WWTR1: variants seen among roughly 807,000 people sequenced by gnomAD.
The protein encoded by WWTR1 is WW domain containing transcription regulator 1, also known as WW domain-containing transcription regulator protein 1.
In WWTR1, 13 loss-of-function variants were observed where a neutral mutation model predicts 40.1. The ratio of observed to expected loss-of-function variants is 0.32; its 90% CI spans 0.21 to 0.52. The LOEUF (loss-of-function observed/expected upper bound fraction) is 0.52, where lower values mean the gene tolerates loss of function less well. Among genes scored for constraint, WWTR1 ranks in the 20% least tolerant of loss-of-function variants. The probability of loss-of-function intolerance (pLI) is 0.97; values close to 1 mark genes in which losing one functional copy is unlikely to be tolerated. For missense variants in WWTR1, 436 were observed against 523.1 expected (o/e 0.83, Z 1.63); for synonymous variants, 230 against 210.1 (o/e 1.09, Z -0.82).
intron 3 of WWTR1, among the ~76,000 whole-genome samples, chr3:149,562,600 G>GACACACACAC (rs60366789): frequency 3.7e-5 from 5 of 135,882 alleles, no homozygotes; most frequent in African/African-American, 8.4e-5. Flanking sequence ...TTAAAATACA[G>GACACACACAC]ACACACACAC....
intron 1 of WWTR1, among the ~76,000 whole-genome samples, chr3:149,676,280 T>C (rs1270782891): frequency 6.6e-6 from 1 of 152,178 alleles, no homozygotes; most frequent in African/African-American, 2.4e-5. Flanking sequence ...AAAAAAATCT[T>C]CAGTATTGAT....
chr3:149,545,550 G>A (rs1213977739), intron 3 of WWTR1, among the ~76,000 whole-genome samples: 1 of 152,128 alleles, frequency 6.6e-6, no homozygotes, highest in African/African-American at 2.4e-5. Flanking sequence ...GAGACAGAGT[G>A]TCACTCTATC....
chr3:149,529,161 G>A (rs1735460192), intron 4 of WWTR1, among the ~76,000 whole-genome samples: 1 of 152,138 alleles, frequency 6.6e-6, no homozygotes, highest in African/African-American at 2.4e-5. Flanking sequence ...ATGCCTATCA[G>A]TTTCCCACTT....
chr3:149,533,365 C>T (rs7632209), intron 4 of WWTR1, among the ~76,000 whole-genome samples: 143,857 of 152,276 alleles, frequency 0.94, 67,995 homozygotes, highest in East Asian at 1. Flanking sequence ...CAGGGCATCA[C>T]ATCCTATGAA....
upstream of WWTR1, among the ~76,000 whole-genome samples, chr3:149,703,483 T>C (rs1302161311): frequency 6.6e-6 from 1 of 152,236 alleles, no homozygotes; most frequent in Non-Finnish European, 1.5e-5. Context: ...CATTACTTTA[T>C]CTTAGATTTC....
At chr3:149,645,604 TTA>T (rs1712472042) in intron 2 of WWTR1, among the ~76,000 whole-genome samples, 1 of 152,200 alleles carries the variant, frequency 6.6e-6, no homozygotes, top group South Asian at 2.1e-4. Flanking sequence ...CGTTTGTTCA[TTA>T]TAGTCACATT....
chr3:149,557,832 A>G (rs6440623), intron 3 of WWTR1, among the ~76,000 whole-genome samples: 21,278 of 151,672 alleles, frequency 0.14, 2,956 homozygotes, highest in East Asian at 0.6. Context: ...GTGAAACCCC[A>G]TCTCTACTAA....
At chr3:149,683,029 A>G (rs1452634952) in intron 1 of WWTR1, among the ~76,000 whole-genome samples, 2 of 152,200 alleles carry the variant, frequency 1.3e-5, no homozygotes, top group Non-Finnish European at 2.9e-5. Flanking sequence ...CCAGGTGCCC[A>G]TCTGGGGATA....
intron 1 of WWTR1, chr3:149,703,105 T>C (rs996305404): frequency 6.6e-6 from 1 of 152,280 alleles, no homozygotes; most frequent in Non-Finnish European, 1.5e-5. Flanking sequence ...GAAAGAAGGC[T>C]GAATATAAAG....
At chr3:149,562,293 T>G (rs1401052368) in intron 3 of WWTR1, among the ~76,000 whole-genome samples, 1 of 131,102 alleles carries the variant, frequency 7.6e-6, no homozygotes, top group Non-Finnish European at 1.5e-5. Context: ...AGATTCTGTC[T>G]CAAAAAAAAA....
chr3:149,614,983 CA>C (rs1329700872), intron 2 of WWTR1, among the ~76,000 whole-genome samples: 27 of 138,516 alleles, frequency 1.9e-4, no homozygotes, highest in Admixed American at 2.9e-4. Flanking sequence ...AACTCTGTCT[CA>C]AAAAAAAAAA....
chr3:149,537,824 ATACAGGAT>A (rs1735905334), intron 4 of WWTR1, among the ~76,000 whole-genome samples: 1 of 152,212 alleles, frequency 6.6e-6, no homozygotes, highest in South Asian at 2.1e-4. Flanking sequence ...AAATGGAATC[ATACAGGAT>A]GTAGTTTTGG....
intron 1 of WWTR1, among the ~76,000 whole-genome samples, chr3:149,670,252 T>A (rs1199357655): frequency 2.0e-5 from 3 of 152,204 alleles, no homozygotes; most frequent in Non-Finnish European, 4.4e-5. Flanking sequence ...ACATGGTTTT[T>A]ATCACAGTGC....
intron 2 of WWTR1, among the ~76,000 whole-genome samples, chr3:149,628,737 T>TTTTATTTTATTTTATTTTATTTTA (rs1553801365): frequency 1.5e-4 from 22 of 144,746 alleles, no homozygotes; most frequent in African/African-American, 5.4e-4. Context: ...CTTTTTATTT[T>TTTTATTTTATTTTATTTTATTTTA]TTTTATTTTA....
intron 2 of WWTR1, among the ~76,000 whole-genome samples, chr3:149,616,163 C>G (rs963524187): frequency 6.6e-6 from 1 of 152,190 alleles, no homozygotes; most frequent in Non-Finnish European, 1.5e-5. Flanking sequence ...TTTTTTACTG[C>G]CTGTGGGCTT....
At chr3:149,537,936 T>C (rs1479082792) in intron 4 of WWTR1, among the ~76,000 whole-genome samples, 1 of 152,162 alleles carries the variant, frequency 6.6e-6, no homozygotes, top group Non-Finnish European at 1.5e-5. Context: ...TTTTTTTTTT[T>C]TGAGACAGAG....
intron 2 of WWTR1, among the ~76,000 whole-genome samples, chr3:149,583,685 T>G (rs1025319579): frequency 2.0e-5 from 3 of 152,222 alleles, no homozygotes; most frequent in African/African-American, 7.2e-5. Flanking sequence ...GAAGTGATGC[T>G]GTACCCAAAT....
chr3:149,585,206 C>T (rs1477873408), intron 2 of WWTR1, among the ~76,000 whole-genome samples: 1 of 151,502 alleles, frequency 6.6e-6, no homozygotes, highest in Non-Finnish European at 1.5e-5. Flanking sequence ...GATCTCTGCT[C>T]ACTGCAACCT....
chr3:149,598,299 T>G (rs1305932994), intron 2 of WWTR1, among the ~76,000 whole-genome samples: 1 of 152,234 alleles, frequency 6.6e-6, no homozygotes, highest in Non-Finnish European at 1.5e-5. Context: ...GTTGGTTGCC[T>G]ATAGATTATC....
Sources: gnomAD v4.1 joint callset for allele counts (sites outside exome capture counted in the v4.1 genomes callset) on GRCh38, gnomAD v4.1.1 for gene constraint, MANE v1.5 for transcripts, NCBI Gene and HGNC (gene_info 2026-07-23, HGNC 2026-07-21) for gene names.